The following DST variants were observed in gnomAD, a reference collection of about 807,000 sequenced individuals.
DST encodes the protein dystonin.
Under a neutral mutation model 875.2 loss-of-function variants are expected in DST, and 253 were observed. The ratio of observed to expected loss-of-function variants is 0.29; its 90% CI spans 0.26 to 0.32. The LOEUF (loss-of-function observed/expected upper bound fraction) is 0.32, where lower values mean the gene tolerates loss of function less well. DST is among the 10% of genes least tolerant of loss of function. The pLI is 1.00. For synonymous variants in DST, 3,124 were observed against 3,197.1 expected (o/e 0.98, Z 0.77); for missense variants, 8,287 against 9,111.6 (o/e 0.91, Z 3.68).
At chr6:56,706,999 T>C (rs2099343684) in intron 5 of DST, among the ~76,000 whole-genome samples, 1 of 152,170 alleles carries the variant, frequency 6.6e-6, no homozygotes, top group Non-Finnish European at 1.5e-5. Context: ...AGTGAGATTC[T>C]GTCTCAAAAA....
intron 5 of DST, among the ~76,000 whole-genome samples, chr6:56,709,728 G>A (rs554953917): frequency 3.3e-5 from 5 of 152,320 alleles, no homozygotes; most frequent in South Asian, 2.1e-4. Flanking sequence ...CTTGAAGCCT[G>A]TAATCTGAAA....
chr6:56,465,553 T>C (rs1375317084), intron 99 of DST, among the ~76,000 whole-genome samples: 1 of 151,878 alleles, frequency 6.6e-6, no homozygotes, highest in Admixed American at 6.6e-5. Flanking sequence ...TATAGTATTA[T>C]ATGTTTATAT....
At chr6:56,627,182 T>C in intron 34 of DST, 22 bp downstream of exon 34, 1 of 1,546,024 alleles carries the variant, frequency 6.5e-7, no homozygotes, top group South Asian at 1.1e-5. Flanking sequence ...TAAATTTTAC[T>C]AAAGTTAATG....
chr6:56,614,348 G>A lies in DST; in HGVS notation c.5058+8C>T. On this transcript the variant is annotated splice_region_variant and intron_variant, in intron 37 of 103. Transcript: ENST00000680361. ...TTATTATTATTAAACCAGGACTTCT[G>A]TGAATACCTTTTGCTTAGAGAAGGG... 1 of 1,596,618 alleles carries A rather than the reference G, an allele frequency of 6.3e-7. No homozygotes were observed. The highest frequency in any genetic ancestry group is 1.2e-5 in the South Asian group (1 of 86,930).
Position 56,492,284 on chromosome 6 carries a change from A to C in DST, c.20700T>G (p.Val6900=). The C allele has an allele frequency of 6.2e-7, 1 of 1,613,892 alleles. No individual in the cohort carries two copies. Among genetic ancestry groups the C allele is most frequent in the South Asian group, 1.1e-5 (1 of 91,080 alleles). The part of the protein sequence containing the change: ...ISVQSRWEKV[V]QRLVERGRSL... ...ATCTTCCTCTCTCTACCAACCGTTGAACCACTTTTTCCCATCGACTTTGTA... is the reference window on the plus strand; with the variant it reads ...ATCTTCCTCTCTCTACCAACCGTTGCACCACTTTTTCCCATCGACTTTGTA... The change falls in exon 85 of 104, where the codon GTT becomes GTG. Residue 6900 remains valine, a synonymous_variant. Coordinates refer to ENST00000680361, the MANE Select transcript of DST (RefSeq NM_001374736.1).
chr6:56,656,415 T>C (rs186441938), intron 10 of DST, among the ~76,000 whole-genome samples: 1 of 152,344 alleles, frequency 6.6e-6, no homozygotes, highest in East Asian at 1.9e-4. Context: ...CCAATTGGGA[T>C]ACCTTATAAA....
chr6:56,536,397 G>T (rs2096999855), intron 62 of DST, among the ~76,000 whole-genome samples: 1 of 152,168 alleles, frequency 6.6e-6, no homozygotes, highest in Non-Finnish European at 1.5e-5. Context: ...AGATTTCCAG[G>T]TTATTTTGAA....
At chr6:56,727,302 A>G (rs992201882) in intron 5 of DST, among the ~76,000 whole-genome samples, 5 of 152,172 alleles carry the variant, frequency 3.3e-5, no homozygotes, top group African/African-American at 1.2e-4. Flanking sequence ...CCTAAAATGC[A>G]TAAAACCTAG....
chr6:56,622,833 A>G (rs1210549392), intron 36 of DST, among the ~76,000 whole-genome samples: 2 of 152,166 alleles, frequency 1.3e-5, no homozygotes, highest in African/African-American at 4.8e-5. Flanking sequence ...TCTATTACAG[A>G]TATTTTAGTA....
At chr6:56,772,769 T>C (rs1002704992) in intron 4 of DST, among the ~76,000 whole-genome samples, 15 of 152,316 alleles carry the variant, frequency 9.8e-5, no homozygotes, top group African/African-American at 3.1e-4. Context: ...GTCATTGTGA[T>C]AGCCAGCCTC....
chr6:56,519,796 T>C (rs2152493874), intron 69 of DST, among the ~76,000 whole-genome samples: 1 of 152,264 alleles, frequency 6.6e-6, no homozygotes, highest in Non-Finnish European at 1.5e-5. Context: ...GGAAGGCAGC[T>C]AAAACAGAAA....
At chr6:56,888,353 A>C (rs1395623183) in intron 3 of DST, among the ~76,000 whole-genome samples, 1 of 152,228 alleles carries the variant, frequency 6.6e-6, no homozygotes, top group Non-Finnish European at 1.5e-5. Flanking sequence ...ATTCAAAAAA[A>C]TTCTTTTCAG....
intron 3 of DST, among the ~76,000 whole-genome samples, chr6:56,879,156 C>A (rs1250499612): frequency 2.6e-5 from 4 of 152,180 alleles, no homozygotes; most frequent in Non-Finnish European, 4.4e-5. Context: ...CAACTTTCTA[C>A]GTATCTTACT....
rs2094815346 is a variant in DST, at chr6:56,470,247, C to T, written c.22357G>A (p.Ala7453Thr). The change falls in exon 96 of 104, where the codon GCA becomes ACA. Residue 7453 changes from alanine to threonine, a missense_variant. Transcript: ENST00000680361. ...TCGCCATCTCTGTCAAAGATGTCTG[C>T]AACTGCGCTCATCTCCAAGCGACTG... ...PTSRLEMSAV[A>T]DIFDRDGDGY... 1 of 1,609,884 alleles carries T rather than the reference C, an allele frequency of 6.2e-7. No homozygotes were observed. The highest frequency in any genetic ancestry group is 8.5e-7 in the Non-Finnish European group (1 of 1,177,760).
intron 2 of DST, among the ~76,000 whole-genome samples, chr6:56,901,593 T>C (rs1562340647): frequency 6.6e-6 from 1 of 151,968 alleles, no homozygotes; most frequent in African/African-American, 2.4e-5. Flanking sequence ...AGACTCCATC[T>C]AAAAAATAAA....
intron 4 of DST, among the ~76,000 whole-genome samples, chr6:56,772,445 T>C (rs774110620): frequency 1.3e-5 from 2 of 152,110 alleles, no homozygotes; most frequent in Non-Finnish European, 2.9e-5. Flanking sequence ...GCAAGCTAAC[T>C]CTCTTCGATC....
At chr6:56,796,140 C>T (rs779827427) in intron 4 of DST, among the ~76,000 whole-genome samples, 9 of 152,076 alleles carry the variant, frequency 5.9e-5, no homozygotes, top group Non-Finnish European at 1.3e-4. Flanking sequence ...GCAAGTAAGA[C>T]CCAAAAAGAT....
intron 9 of DST, among the ~76,000 whole-genome samples, chr6:56,687,620 T>C (rs2099196702): frequency 6.6e-6 from 1 of 152,178 alleles, no homozygotes; most frequent in Non-Finnish European, 1.5e-5. Context: ...TCACATCACT[T>C]GACACTACAG....
chr6:56,619,120 T>C (rs1356850494), intron 36 of DST: 1 of 1,613,326 alleles, frequency 6.2e-7, no homozygotes, highest in Non-Finnish European at 8.5e-7. Flanking sequence ...AATCCTGCTC[T>C]GTTTTTGTCT....
Sources: allele counts gnomAD v4.1 joint callset (sites outside exome capture counted in the v4.1 genomes callset), GRCh38; gene constraint gnomAD v4.1.1; transcripts MANE v1.5; gene names NCBI Gene and HGNC (gene_info 2026-07-23, HGNC 2026-07-21).